Variants in COL19A1 observed in about 807,000 individuals in gnomAD.
COL19A1 encodes the protein collagen alpha-1(XIX) chain.
COL19A1 carries 159 observed loss-of-function variants against 190.2 expected under a neutral mutation model. That is an observed-to-expected ratio of 0.84 (90% confidence interval 0.73 to 0.95). The LOEUF (loss-of-function observed/expected upper bound fraction) is 0.95. COL19A1 is among the 40% of genes least tolerant of loss of function. The pLI is 0.00. For missense variants in COL19A1, 1,418 were observed against 1,431.9 expected (o/e 0.99, Z 0.16); for synonymous variants, 509 against 458.9 (o/e 1.11, Z -1.39).
At chr6:69,970,702 T>G (rs1161228608) in intron 11 of COL19A1, among the ~76,000 whole-genome samples, 1 of 152,224 alleles carries the variant, frequency 6.6e-6, no homozygotes, top group Non-Finnish European at 1.5e-5. Context: ...TGGTTCACCT[T>G]GCAGAGTTCT....
At chr6:69,960,108 A>G (rs1774685869) in intron 10 of COL19A1, 68 bp downstream of exon 10, 2 of 1,421,086 alleles carry the variant, frequency 1.4e-6, no homozygotes, top group Admixed American at 1.9e-5. Flanking sequence ...TTTGCACATA[A>G]TATTCTGAAA....
chr6:70,135,487 A>G (rs1401523915), intron 18 of COL19A1, among the ~76,000 whole-genome samples: 1 of 152,130 alleles, frequency 6.6e-6, no homozygotes, highest in East Asian at 1.9e-4. Context: ...TGCTTTGGGG[A>G]TTCCAAGGAT....
At chr6:70,025,574 C>T (rs1335604218) in intron 12 of COL19A1, among the ~76,000 whole-genome samples, 1 of 152,084 alleles carries the variant, frequency 6.6e-6, no homozygotes, top group Non-Finnish European at 1.5e-5. Context: ...GAGATGTGGC[C>T]CACACTTTGT....
chr6:70,143,866 A>G (rs1268600345), intron 23 of COL19A1, among the ~76,000 whole-genome samples: 3 of 152,006 alleles, frequency 2.0e-5, no homozygotes, highest in African/African-American at 7.2e-5. Flanking sequence ...TTTCTAAAAC[A>G]TAGTAAAAAT....
chr6:69,922,193 C>G (rs181406868), intron 4 of COL19A1, among the ~76,000 whole-genome samples: 44 of 151,696 alleles, frequency 2.9e-4, no homozygotes, highest in Admixed American at 8.5e-4. Flanking sequence ...ATAGCATAAT[C>G]TTGGCAAGCA....
chr6:70,007,325 T>C (rs1265610442), intron 11 of COL19A1, among the ~76,000 whole-genome samples: 5 of 152,070 alleles, frequency 3.3e-5, no homozygotes, highest in Non-Finnish European at 5.9e-5. Flanking sequence ...CTATATACTA[T>C]CTACAAGAGA....
chr6:70,207,324 G>A lies in COL19A1; in HGVS notation c.*50G>A, dbSNP rs762516133. The A allele has an allele frequency of 6.6e-6, 10 of 1,522,918 alleles. No homozygotes were observed. In the South Asian group the frequency reaches 8.0e-5, roughly 12 times the overall value. 94.3% of individuals were successfully genotyped at this position (1,522,918 alleles called of 1,614,324 possible). On this transcript the variant is annotated 3_prime_UTR_variant, in exon 51 of 51. Coordinates refer to ENST00000620364, the MANE Select transcript of COL19A1 (RefSeq NM_001858.6). The stretch of plus-strand genomic sequence containing the variant: ...CTGGTAACATTTCCTTGCCACTGGA[G>A]CTCTCTTAATACCGTCAAACCCTCA...
chr6:70,195,428 A>C (rs1767139300), intron 48 of COL19A1, among the ~76,000 whole-genome samples: 1 of 152,060 alleles, frequency 6.6e-6, no homozygotes. Flanking sequence ...CAGTGTCTTT[A>C]AGTCTTTACT....
chr6:69,874,129 C>G (rs771498530), intron 1 of COL19A1, among the ~76,000 whole-genome samples: 1 of 152,036 alleles, frequency 6.6e-6, no homozygotes. Context: ...ATTGAGAAAT[C>G]CAGGGAAGGT....
At chr6:70,164,570 T>C (rs1473784051) in intron 36 of COL19A1, among the ~76,000 whole-genome samples, 1 of 152,212 alleles carries the variant, frequency 6.6e-6, no homozygotes, top group Non-Finnish European at 1.5e-5. Flanking sequence ...GCCTTTTTTC[T>C]CTGTTCTCTA....
intron 9 of COL19A1, among the ~76,000 whole-genome samples, chr6:69,949,742 A>C (rs1774017478): frequency 6.6e-6 from 1 of 151,822 alleles, no homozygotes; most frequent in South Asian, 2.1e-4. Flanking sequence ...CTTATCCAGC[A>C]TCCCCTTAAC....
At chr6:70,083,334 T>C (rs1016418636) in intron 15 of COL19A1, among the ~76,000 whole-genome samples, 1 of 152,284 alleles carries the variant, frequency 6.6e-6, no homozygotes, top group Admixed American at 6.5e-5. Flanking sequence ...AGTTTTGTAA[T>C]TTTTTTCATT....
intron 37 of COL19A1, 165 bp downstream of exon 37, chr6:70,166,150 C>T: frequency 1.5e-6 from 1 of 662,212 alleles, no homozygotes. Context: ...CTGATTTGTT[C>T]TCCTTTTGGT....
At chr6:69,876,013 A>C (rs1235542713) in intron 1 of COL19A1, among the ~76,000 whole-genome samples, 1 of 152,178 alleles carries the variant, frequency 6.6e-6, no homozygotes, top group Non-Finnish European at 1.5e-5. Context: ...GAAATCTGAG[A>C]GAGTGTCAGA....
At chr6:69,895,709 A>G (rs1769684316) in intron 2 of COL19A1, among the ~76,000 whole-genome samples, 1 of 152,158 alleles carries the variant, frequency 6.6e-6, no homozygotes, top group South Asian at 2.1e-4. Flanking sequence ...ACCCCCTCCC[A>G]CTTGGCTGTC....
intron 11 of COL19A1, among the ~76,000 whole-genome samples, chr6:69,967,571 A>T (rs1317753145): frequency 3.9e-5 from 6 of 152,174 alleles, no homozygotes. Context: ...CAAAACTAAC[A>T]AGTTCATATG....
At chr6:69,870,924 A>G (rs760780229) in intron 1 of COL19A1, among the ~76,000 whole-genome samples, 31 of 152,210 alleles carry the variant, frequency 2.0e-4, no homozygotes, top group Non-Finnish European at 3.5e-4. Context: ...ATATGGGGTG[A>G]GGGTGAATAA....
chr6:70,091,458 A>G (rs764888694), intron 15 of COL19A1, among the ~76,000 whole-genome samples: 1 of 152,202 alleles, frequency 6.6e-6, no homozygotes, highest in Non-Finnish European at 1.5e-5. Context: ...GACTTCGTAA[A>G]TACTTCTTAA....
Position 70,176,696 on chromosome 6 carries a change from A to G in COL19A1, c.2667+132A>G, listed in dbSNP as rs1361666955. 3 of 652,770 alleles carry G rather than the reference A, an allele frequency of 4.6e-6. No homozygotes were observed. The East Asian group carries it at 9.7e-5, about 21-fold the overall frequency. The allele number at this position is 652,770 out of a possible 1,614,324, so 40.4% of individuals were successfully genotyped here. ...ATGGCATTAGGTTCCTGACAATTCT[A>G]GTTTCATAAATAATGCCACCTGTAT... On this transcript the variant is annotated intron_variant, in intron 42 of 50. Transcript: ENST00000620364.
Sources: gnomAD v4.1 joint callset for allele counts (sites outside exome capture counted in the v4.1 genomes callset) on GRCh38, gnomAD v4.1.1 for gene constraint, MANE v1.5 for transcripts, NCBI Gene and HGNC (gene_info 2026-07-23, HGNC 2026-07-21) for gene names.